SNX29: variants seen among roughly 807,000 people sequenced by gnomAD.
SNX29 encodes sorting nexin 29, also known as sorting nexin-29.
A neutral mutation model predicts 102.1 loss-of-function variants in SNX29; 78 were observed. That is an observed-to-expected ratio of 0.76 (90% confidence interval 0.64 to 0.92). The LOEUF (loss-of-function observed/expected upper bound fraction) is 0.92, where lower values mean the gene tolerates loss of function less well. SNX29 is among the 40% of genes least tolerant of loss of function. The pLI, the probability that SNX29 is intolerant of heterozygous loss-of-function variation, is 0.00. For missense variants in SNX29, 1,280 were observed against 1,061.7 expected, an observed-to-expected ratio of 1.21 and a Z score of -2.86; for synonymous variants, 580 against 414.5, an observed-to-expected ratio of 1.40 and a Z score of -4.85.
intron 14 of SNX29, among the ~76,000 whole-genome samples, chr16:12,207,736 A>T (rs2077081808): frequency 6.6e-6 from 1 of 152,128 alleles, no homozygotes; most frequent in East Asian, 1.9e-4. Flanking sequence ...GTCACCTGAA[A>T]GAAATCTAAT....
intron 13 of SNX29, among the ~76,000 whole-genome samples, chr16:12,147,527 A>G (rs1007875260): frequency 1.3e-5 from 2 of 152,200 alleles, no homozygotes; most frequent in Non-Finnish European, 2.9e-5. Context: ...AGGGATACCA[A>G]AAGAGCCCAG....
At chr16:12,216,333 C>G (rs1027291138) in intron 14 of SNX29, among the ~76,000 whole-genome samples, 4 of 152,330 alleles carry the variant, frequency 2.6e-5, no homozygotes, top group African/African-American at 9.6e-5. Flanking sequence ...TCCCCTGACC[C>G]TTTCCTTGAC....
intron 13 of SNX29, among the ~76,000 whole-genome samples, chr16:12,177,474 C>CGT (rs1567281219): frequency 1.3e-5 from 2 of 152,148 alleles, no homozygotes; most frequent in Admixed American, 6.5e-5. Flanking sequence ...TTTGTCCCCA[C>CGT]GTGTGTGTGT....
chr16:12,067,482 GTTTCTT>G (rs931358425), intron 9 of SNX29, among the ~76,000 whole-genome samples: 5 of 152,182 alleles, frequency 3.3e-5, no homozygotes, highest in African/African-American at 7.2e-5. Flanking sequence ...TCACTAATAA[GTTTCTT>G]TTTCTTTTTC....
chr16:12,370,941 A>C (rs920732034), intron 16 of SNX29, among the ~76,000 whole-genome samples: 2 of 152,240 alleles, frequency 1.3e-5, no homozygotes, highest in African/African-American at 4.8e-5. Flanking sequence ...TCTTCTGGAA[A>C]TAACCTCTTC....
chr16:12,118,447 G>A (rs1405878188), intron 11 of SNX29, among the ~76,000 whole-genome samples: 2 of 150,014 alleles, frequency 1.3e-5, no homozygotes, highest in African/African-American at 2.5e-5. Flanking sequence ...AGCCTCCCGA[G>A]TAGCTGGGAT....
chr16:12,522,845 C>T (rs908155318), intron 19 of SNX29, among the ~76,000 whole-genome samples: 1 of 152,200 alleles, frequency 6.6e-6, no homozygotes, highest in Non-Finnish European at 1.5e-5. Context: ...CAGGGTCTAA[C>T]TGTCTCCCAG....
Position 12,571,884 on chromosome 16 carries a change from A to G in SNX29, c.*3255A>G, listed in dbSNP as rs551652983. The G allele has an allele frequency of 1.3e-4, 141 of 1,061,760 alleles. 1 individual carries two copies. The African/African-American group carries it at 2.1e-3, about 16-fold the overall frequency. The allele number at this position is 1,061,760 out of a possible 1,614,324, so 65.8% of individuals were successfully genotyped here. A position where few individuals can be genotyped will look rare whatever the true frequency, so the allele number is the denominator to read the frequency against. On this transcript the variant is annotated 3_prime_UTR_variant, in exon 21 of 21. Transcript: ENST00000566228. Reference sequence around the variant, plus strand: ...CAAGGCATTTTAGAGTTTGGAGCTGAGGTTCAAAGCCCCCTGCATTTCTCT... The same window carrying G: ...CAAGGCATTTTAGAGTTTGGAGCTGGGGTTCAAAGCCCCCTGCATTTCTCT...
At chr16:12,315,764 T>G (rs2080712782) in intron 15 of SNX29, among the ~76,000 whole-genome samples, 1 of 152,208 alleles carries the variant, frequency 6.6e-6, no homozygotes, top group Non-Finnish European at 1.5e-5. Context: ...CCTAACAGAC[T>G]AATACAGTTC....
At chr16:12,054,168 C>A (rs1028617828) in intron 8 of SNX29, among the ~76,000 whole-genome samples, 1 of 152,078 alleles carries the variant, frequency 6.6e-6, no homozygotes, top group East Asian at 1.9e-4. Flanking sequence ...GGGTTTCACC[C>A]TGTTAGCCGG....
chr16:12,536,717 C>G (rs1017705149), intron 20 of SNX29, among the ~76,000 whole-genome samples: 4 of 152,184 alleles, frequency 2.6e-5, no homozygotes, highest in African/African-American at 9.7e-5. Context: ...GTGGCTCACG[C>G]CTGTAATCTC....
intron 20 of SNX29, among the ~76,000 whole-genome samples, chr16:12,563,886 CCT>C (rs2078872167): frequency 6.6e-6 from 1 of 152,226 alleles, no homozygotes; most frequent in African/African-American, 2.4e-5. Context: ...GCCCCTTGGG[CCT>C]CTGCCGTCTC....
At chr16:12,210,208 C>T (rs2077146637) in intron 14 of SNX29, among the ~76,000 whole-genome samples, 1 of 152,172 alleles carries the variant, frequency 6.6e-6, no homozygotes, top group South Asian at 2.1e-4. Context: ...ACTGCTGTCA[C>T]AGTGCTGCTG....
intron 16 of SNX29, among the ~76,000 whole-genome samples, chr16:12,381,402 C>G (rs1380187043): frequency 1.0e-5 from 1 of 97,904 alleles, no homozygotes; most frequent in African/African-American, 4.2e-5. Context: ...CATCATCCAT[C>G]CACTCACCCA....
chr16:12,209,082 C>T (rs1014237475), intron 14 of SNX29, among the ~76,000 whole-genome samples: 4 of 152,080 alleles, frequency 2.6e-5, no homozygotes, highest in South Asian at 4.1e-4. Flanking sequence ...CTGAAAATCT[C>T]GGTTTACTAA....
intron 13 of SNX29, among the ~76,000 whole-genome samples, chr16:12,164,424 C>G (rs894167427): frequency 1.3e-5 from 2 of 152,134 alleles, no homozygotes; most frequent in Non-Finnish European, 2.9e-5. Flanking sequence ...AATCCTTGAT[C>G]CTGTAGGTTC....
chr16:12,057,575 A>G (rs1468997372), intron 8 of SNX29, among the ~76,000 whole-genome samples: 1 of 152,192 alleles, frequency 6.6e-6, no homozygotes, highest in Non-Finnish European at 1.5e-5. Flanking sequence ...CATACCCTCG[A>G]TTCAGGGAAA....
At chr16:12,349,501 G>T (rs558387534) in intron 15 of SNX29, among the ~76,000 whole-genome samples, 1 of 152,216 alleles carries the variant, frequency 6.6e-6, no homozygotes, top group Admixed American at 6.5e-5. Context: ...CCGGAAGTCA[G>T]CATATTTTGA....
chr16:12,351,471 A>G (rs1440846598), intron 15 of SNX29, among the ~76,000 whole-genome samples: 1 of 152,220 alleles, frequency 6.6e-6, no homozygotes, highest in African/African-American at 2.4e-5. Context: ...TCTTGATCTA[A>G]TTAATCAAGA....
Sources: gnomAD v4.1 joint callset for allele counts (sites outside exome capture counted in the v4.1 genomes callset) on GRCh38, gnomAD v4.1.1 for gene constraint, MANE v1.5 for transcripts, NCBI Gene and HGNC (gene_info 2026-07-23, HGNC 2026-07-21) for gene names.